PPM1E: variants seen among roughly 807,000 people sequenced by gnomAD.
PPM1E encodes the protein protein phosphatase 1E.
In PPM1E, 20 loss-of-function variants were observed where a neutral mutation model predicts 65.9. That is an observed-to-expected ratio of 0.30 (90% CI 0.21 to 0.44). The LOEUF is 0.44. PPM1E is among the 20% of genes least tolerant of loss of function. The probability of loss-of-function intolerance (pLI) is 1.00; values close to 1 mark genes in which losing one functional copy is unlikely to be tolerated. For synonymous variants in PPM1E, 352 were observed against 374.9 expected (o/e 0.94, Z 0.70); for missense variants, 713 against 953.1 (o/e 0.75, Z 3.32).
At position 58,980,229 on chromosome 17, in the gene PPM1E, G is replaced by A. The variant is rs1598718714; in HGVS notation, c.1466G>A (p.Arg489Lys). 3 of 1,614,144 alleles carry A rather than the reference G, an allele frequency of 1.9e-6. No individual in the cohort carries two copies. In the East Asian group the frequency reaches 6.7e-5, roughly 36 times the overall value. The change falls in exon 7 of 7, where the codon AGG (arginine) becomes AAG (lysine). Residue 489 changes from arginine (R) to lysine (K), a missense_variant. Arg to Lys is a conservative substitution (Grantham distance 26). Transcript: ENST00000308249. This position sits in a 1 kb window ranked among gnomAD's most constrained non-coding sequence, Gnocchi z 4.7. Reference protein sequence around the residue: ...DNITVIVVFLRDMNKAVNVSE... With the variant: ...DNITVIVVFLKDMNKAVNVSE... ...ATCACGGTTATTGTGGTATTCCTGA[G>A]GGACATGAACAAAGCTGTAAATGTT... is the stretch of plus-strand genomic sequence containing the variant.
At chr17:58,947,085 A>G (rs983807861) in intron 1 of PPM1E, among the ~76,000 whole-genome samples, 3 of 146,796 alleles carry the variant, frequency 2.0e-5, no homozygotes, top group African/African-American at 7.5e-5. Context: ...ATTTTGTTAA[A>G]CAGAAAGTTA....
rs977814364 is a variant in PPM1E, at chr17:58,906,986, C to T, written c.465-48663C>T. Among the ~76,000 whole-genome samples the T allele has an allele frequency of 7.9e-5, 12 of 152,048 alleles. No homozygotes were observed. The East Asian group carries it at 1.3e-3, about 17-fold the overall frequency. ...GCCCAGGGGCTTACGCCTGTAATCCCGGCACTTTGAGAGACTGAGGCAAGT... is the reference window on the plus strand; with the variant it reads ...GCCCAGGGGCTTACGCCTGTAATCCTGGCACTTTGAGAGACTGAGGCAAGT... On this transcript the variant is annotated intron_variant, in intron 1 of 6. Coordinates refer to ENST00000308249, the MANE Select transcript of PPM1E (RefSeq NM_014906.5).
At chr17:58,832,397 T>C (rs2050614452) in intron 1 of PPM1E, among the ~76,000 whole-genome samples, 1 of 152,194 alleles carries the variant, frequency 6.6e-6, no homozygotes. Context: ...ACTCCTGGTA[T>C]GTTCTGCAAA....
chr17:58,911,850 T>A (rs1489419923), intron 1 of PPM1E, among the ~76,000 whole-genome samples: 1 of 152,142 alleles, frequency 6.6e-6, no homozygotes, highest in African/African-American at 2.4e-5. Flanking sequence ...GTACTTTTTT[T>A]AAGAGAGTGA....
At position 58,913,026 on chromosome 17, in the gene PPM1E, T is replaced by C. The variant is rs545775874; in HGVS notation, c.465-42623T>C. Among the ~76,000 whole-genome samples, 7 of 152,270 alleles carry C rather than the reference T, an allele frequency of 4.6e-5. No homozygotes were observed. The East Asian group carries it at 1.3e-3, about 29-fold the overall frequency. Reference sequence around the variant, plus strand: ...CTCTTCATCTGGCTGTTCATTTGTATCCTTTAAAATATCATTTGAAATAAA... The same window carrying C: ...CTCTTCATCTGGCTGTTCATTTGTACCCTTTAAAATATCATTTGAAATAAA... On this transcript the variant is annotated intron_variant, in intron 1 of 6. Transcript: ENST00000308249.
chr17:58,931,112 C>T (rs1016558214), intron 1 of PPM1E, among the ~76,000 whole-genome samples: 5 of 148,552 alleles, frequency 3.4e-5, no homozygotes, highest in Admixed American at 1.3e-4. Context: ...AAAAGCCGGG[C>T]GCGGTGGCTC....
At chr17:58,963,378 ACT>A (rs1183046107) in intron 2 of PPM1E, among the ~76,000 whole-genome samples, 2 of 117,106 alleles carry the variant, frequency 1.7e-5, no homozygotes, top group Admixed American at 1.8e-4. Context: ...CAAGAGTGAA[ACT>A]CTGTCTCAAA....
chr17:58,813,475 A>T lies in PPM1E; in HGVS notation c.464+57014A>T, dbSNP rs969892252. ...TATATCCAGATTGCTCCTTATCCCA[A>T]TGAAAACAGATAAAGGAGGTTGTAC... On this transcript the variant is annotated intron_variant, in intron 1 of 6. Coordinates refer to ENST00000308249, the MANE Select transcript of PPM1E (RefSeq NM_014906.5). Among the ~76,000 whole-genome samples, 5 of 152,162 alleles carry T rather than the reference A, an allele frequency of 3.3e-5. 1 individual carries two copies. The highest frequency in any genetic ancestry group is 3.3e-4 in the Admixed American group (5 of 15,274).
chr17:58,805,985 C>CAAAAAAAAAAAAA (rs1217000216), intron 1 of PPM1E, among the ~76,000 whole-genome samples: 1 of 77,476 alleles, frequency 1.3e-5, no homozygotes, highest in Non-Finnish European at 2.4e-5. Flanking sequence ...AAAAAAAAAA[C>CAAAAAAAAAAAAA]AAAACAAAAC....
At chr17:58,939,660 C>T (rs1322361454) in intron 1 of PPM1E, among the ~76,000 whole-genome samples, 1 of 151,984 alleles carries the variant, frequency 6.6e-6, no homozygotes, top group Admixed American at 6.6e-5. Flanking sequence ...TGATTTTCAA[C>T]ATTGTTTAAA....
chr17:58,909,348 C>T (rs1477100505), intron 1 of PPM1E, among the ~76,000 whole-genome samples: 1 of 152,140 alleles, frequency 6.6e-6, no homozygotes, highest in Non-Finnish European at 1.5e-5. Context: ...ACCTGAACTC[C>T]TGGGCTCAAG....
rs956277742 is a variant in PPM1E at position 58,769,080 on chromosome 17, A to C, written c.464+12619A>C. Among the ~76,000 whole-genome samples, 10 of 152,304 alleles carry C rather than the reference A, an allele frequency of 6.6e-5. No individual in the cohort carries two copies. The South Asian group carries it at 1.9e-3, about 28-fold the overall frequency. On this transcript the variant is annotated intron_variant, in intron 1 of 6. Coordinates refer to ENST00000308249, the MANE Select transcript of PPM1E (RefSeq NM_014906.5). ...GCTTATAACAATGGCAAAAATTAAA[A>C]AAAAATGCATTATTTTTCACTTACT...
intron 1 of PPM1E, among the ~76,000 whole-genome samples, chr17:58,911,321 C>G (rs1004605609): frequency 3.3e-5 from 5 of 152,234 alleles, no homozygotes; most frequent in Non-Finnish European, 7.4e-5. Flanking sequence ...GGAAGTCTTC[C>G]CTCTATTGTT....
chr17:58,891,497 A>G (rs1567866052), intron 1 of PPM1E, among the ~76,000 whole-genome samples: 2 of 151,384 alleles, frequency 1.3e-5, no homozygotes, highest in Non-Finnish European at 2.9e-5. Context: ...TAATTTTTGT[A>G]TTTTTTTAGT....
chr17:58,849,160 CTCTTT>C (rs1313219282), intron 1 of PPM1E, among the ~76,000 whole-genome samples: 1 of 152,032 alleles, frequency 6.6e-6, no homozygotes, highest in East Asian at 1.9e-4. Context: ...TGATTCTTCT[CTCTTT>C]TCTTCATTAG....
chr17:58,857,497 A>T (rs1457719942), intron 1 of PPM1E, among the ~76,000 whole-genome samples: 1 of 152,086 alleles, frequency 6.6e-6, no homozygotes, highest in African/African-American at 2.4e-5. Flanking sequence ...CAGTTTCTCT[A>T]TCTGTAAGGT....
rs138176163 is a variant in PPM1E, at chr17:58,849,896, A to G, written c.464+93435A>G. The stretch of plus-strand genomic sequence containing the variant: ...TGACAGTGGGGTGTTAAAGTCTCTC[A>G]TTATTGTGTGGGAGTCTAAGTCTCT... On this transcript the variant is annotated intron_variant, in intron 1 of 6. Coordinates refer to ENST00000308249, the MANE Select transcript of PPM1E (RefSeq NM_014906.5). 3.2e-3 allele frequency among the ~76,000 whole-genome samples: 490 copies of G among 152,214 alleles called. 2 individuals are homozygous for G. Among genetic ancestry groups the G allele is most frequent in the Non-Finnish European group, 5.0e-3 (342 of 68,010 alleles).
intron 1 of PPM1E, among the ~76,000 whole-genome samples, chr17:58,805,965 AAAAAAAAAC>A (rs1353852822): frequency 8.0e-5 from 9 of 112,446 alleles, no homozygotes; most frequent in Non-Finnish European, 1.2e-4. Context: ...AAAAAACAAA[AAAAAAAAAC>A]AAAAAAAAAA....
intron 1 of PPM1E, among the ~76,000 whole-genome samples, chr17:58,931,999 G>A (rs963131539): frequency 1.3e-5 from 2 of 152,124 alleles, no homozygotes; most frequent in African/African-American, 4.8e-5. Context: ...GGGAGGGCTG[G>A]GTGTGGTAGC....
Sources: allele counts gnomAD v4.1 joint callset (sites outside exome capture counted in the v4.1 genomes callset), GRCh38; gene constraint gnomAD v4.1.1; non-coding constraint Gnocchi (gnomAD v3.1); transcripts MANE v1.5; gene names NCBI Gene and HGNC (gene_info 2026-07-23, HGNC 2026-07-21).